Variants in CDKAL1 observed in about 807,000 individuals in gnomAD.
CDKAL1 encodes the protein threonylcarbamoyladenosine tRNA methylthiotransferase.
Under a neutral mutation model 68.2 loss-of-function variants are expected in CDKAL1, and 32 were observed. The observed-to-expected ratio is 0.47, with a 90% CI of 0.35 to 0.63. The LOEUF is 0.63. Ranked by LOEUF, CDKAL1 falls within the 30% of genes least tolerant of loss-of-function variation. The probability of loss-of-function intolerance (pLI) is 0.00; values close to 1 mark genes in which losing one functional copy is unlikely to be tolerated. For missense variants in CDKAL1, 606 were observed against 696.7 expected (o/e 0.87, Z 1.47); for synonymous variants, 234 against 244.3 (o/e 0.96, Z 0.39).
At chr6:20,723,617 G>T in intron 5 of CDKAL1, 1 of 195,690 alleles carries the variant, frequency 5.1e-6, no homozygotes, top group Non-Finnish European at 1.1e-5. Flanking sequence ...TGCCACACGC[G>T]TTACAGAAAG....
chr6:20,742,818 G>T (rs1203868874), intron 6 of CDKAL1, among the ~76,000 whole-genome samples: 1 of 151,598 alleles, frequency 6.6e-6, no homozygotes, highest in Admixed American at 6.6e-5. Flanking sequence ...ATTATTATTT[G>T]TTAATATCAT....
At chr6:20,727,859 G>A (rs1041176242) in intron 5 of CDKAL1, among the ~76,000 whole-genome samples, 2 of 152,118 alleles carry the variant, frequency 1.3e-5, no homozygotes, top group African/African-American at 4.8e-5. Context: ...GGCCGTATTT[G>A]GACCTGCAAT....
intron 15 of CDKAL1, among the ~76,000 whole-genome samples, chr6:21,230,006 A>G (rs967486978): frequency 1.3e-5 from 2 of 152,128 alleles, no homozygotes; most frequent in Admixed American, 6.5e-5. Context: ...GAAAATGATG[A>G]TAGTATTTGT....
chr6:20,588,593 C>T (rs187814361), intron 4 of CDKAL1, among the ~76,000 whole-genome samples: 129 of 152,312 alleles, frequency 8.5e-4, no homozygotes, highest in African/African-American at 1.7e-3. Flanking sequence ...AGCACTCCTA[C>T]GTTCGGTAGC....
At position 21,231,280 on chromosome 6, in the gene CDKAL1, G is replaced by T; in HGVS notation, c.*241G>T. The T allele has an allele frequency of 5.7e-6, 2 of 351,344 alleles. No individual in the cohort carries two copies. The highest frequency in any genetic ancestry group is 4.7e-5 in the Admixed American group (1 of 21,468). 21.8% of individuals were successfully genotyped at this position (351,344 alleles called of 1,614,324 possible). A position where few individuals can be genotyped will look rare whatever the true frequency, so the allele number is the denominator to read the frequency against. On this transcript the variant is annotated 3_prime_UTR_variant, in exon 16 of 16. Transcript: ENST00000274695. Reference sequence around the variant, plus strand: ...ACATCCTTCAAATTAAACTGCTTTTGGTTTACTTTTAGCAAGAAATGCAAG... The same window carrying T: ...ACATCCTTCAAATTAAACTGCTTTTTGTTTACTTTTAGCAAGAAATGCAAG...
Position 20,589,548 on chromosome 6 carries a change from C to T in CDKAL1, c.286+40843C>T, listed in dbSNP as rs144647255. ...TCCTTTGGTAGGTATTCTCAGGGAA[C>T]GTTCCAGGATCTTGTAATACTTCTT... On this transcript the variant is annotated intron_variant, in intron 4 of 15. Transcript: ENST00000274695. Among the ~76,000 whole-genome samples, 240 of 152,296 alleles carry T rather than the reference C, an allele frequency of 1.6e-3. 2 individuals are homozygous for T. In the South Asian group the frequency reaches 0.02, roughly 12 times the overall value.
Position 20,919,019 on chromosome 6 carries a change from G to T in CDKAL1, c.743-36400G>T, listed in dbSNP as rs1477909107. 3.9e-5 allele frequency among the ~76,000 whole-genome samples: 6 copies of T among 152,324 alleles called. No homozygotes were observed. The East Asian group carries it at 1.2e-3, about 29-fold the overall frequency. On this transcript the variant is annotated intron_variant, in intron 9 of 15. Coordinates refer to ENST00000274695, the MANE Select transcript of CDKAL1 (RefSeq NM_017774.3). The stretch of plus-strand genomic sequence containing the variant: ...TTCTGATTAAATATGCGTGCTTAAT[G>T]ATGGAAGTGGTTTTCCGTGAGAACT...
intron 2 of CDKAL1, among the ~76,000 whole-genome samples, chr6:20,542,574 T>TC (rs147671979): frequency 0.077 from 11,736 of 151,496 alleles, 1,439 homozygotes; most frequent in African/African-American, 0.26. Context: ...ACGAGTGTAT[T>TC]CCCCCCCCAT....
intron 11 of CDKAL1, among the ~76,000 whole-genome samples, chr6:21,051,691 A>T (rs1049476482): frequency 5.9e-5 from 9 of 152,206 alleles, no homozygotes; most frequent in Admixed American, 5.9e-4. Flanking sequence ...TAGTATTATT[A>T]TGTAATATTA....
intron 9 of CDKAL1, among the ~76,000 whole-genome samples, chr6:20,865,345 A>C (rs1225318703): frequency 6.6e-6 from 1 of 152,154 alleles, no homozygotes; most frequent in African/African-American, 2.4e-5. Flanking sequence ...TCATTTTGAG[A>C]GAAGCCCTTA....
chr6:21,065,252 ATTG>A, intron 12 of CDKAL1, 24 bp downstream of exon 12: 1 of 1,580,614 alleles, frequency 6.3e-7, no homozygotes, highest in South Asian at 1.2e-5. Context: ...CTTGTAAGGT[ATTG>A]TTTTTTGCCA....
intron 11 of CDKAL1, among the ~76,000 whole-genome samples, chr6:21,060,219 T>A (rs977415048): frequency 2.0e-5 from 3 of 152,208 alleles, no homozygotes; most frequent in African/African-American, 7.2e-5. Context: ...AATTACAAGT[T>A]TTTGTAATAG....
intron 9 of CDKAL1, among the ~76,000 whole-genome samples, chr6:20,890,684 A>C (rs1178043548): frequency 6.6e-6 from 1 of 151,984 alleles, no homozygotes; most frequent in Non-Finnish European, 1.5e-5. Flanking sequence ...CCCTGGGGAG[A>C]TTCTGCGTCA....
At position 20,758,780 on chromosome 6, in the gene CDKAL1, G is replaced by T. The variant is rs140589607; in HGVS notation, c.517+137G>T. On this transcript the variant is annotated intron_variant, in intron 7 of 15. Transcript: ENST00000274695. ...ATAAAATCATAAAATGTTATCCTTG[G>T]CTTCATGAATTTGCCAGTCTAATAT... The T allele has an allele frequency of 3.9e-5, 25 of 648,068 alleles. No individual in the cohort carries two copies. The Admixed American group carries it at 4.7e-4, about 12-fold the overall frequency. The allele number at this position is 648,068 out of a possible 1,614,324, so 40.1% of individuals were successfully genotyped here. A position where few individuals can be genotyped will look rare whatever the true frequency, so the allele number is the denominator to read the frequency against.
At chr6:21,037,386 A>G (rs1769652281) in intron 11 of CDKAL1, among the ~76,000 whole-genome samples, 1 of 152,206 alleles carries the variant, frequency 6.6e-6, no homozygotes. Flanking sequence ...TTAAAGCACC[A>G]TTTTATTTAA....
chr6:20,597,457 C>G (rs1325386168), intron 4 of CDKAL1, among the ~76,000 whole-genome samples: 1 of 151,922 alleles, frequency 6.6e-6, no homozygotes, highest in African/African-American at 2.4e-5. Context: ...CTCTTTGAAC[C>G]AGGCTGGAGT....
At chr6:21,170,628 G>A (rs187167523) in intron 13 of CDKAL1, among the ~76,000 whole-genome samples, 23 of 152,016 alleles carry the variant, frequency 1.5e-4, no homozygotes, top group African/African-American at 5.3e-4. Context: ...ACGCCCGACC[G>A]TACTTACCGG....
At chr6:20,879,534 A>T (rs139334464) in intron 9 of CDKAL1, among the ~76,000 whole-genome samples, 73 of 152,322 alleles carry the variant, frequency 4.8e-4, no homozygotes, top group African/African-American at 1.6e-3. Flanking sequence ...AGATTCAAAG[A>T]TTCATTCAGG....
At chr6:21,048,950 GA>G (rs760056472) in intron 11 of CDKAL1, among the ~76,000 whole-genome samples, 1 of 151,026 alleles carries the variant, frequency 6.6e-6, no homozygotes, top group Non-Finnish European at 1.5e-5. Context: ...AAGCAAGAGA[GA>G]AAAGTTGATT....
Sources: allele counts gnomAD v4.1 joint callset (sites outside exome capture counted in the v4.1 genomes callset), GRCh38; gene constraint gnomAD v4.1.1; transcripts MANE v1.5; gene names NCBI Gene and HGNC (gene_info 2026-07-23, HGNC 2026-07-21).